The following AGR2 variants were observed in gnomAD, a reference collection of about 807,000 sequenced individuals.
The protein encoded by AGR2 is anterior gradient protein 2 homolog.
In AGR2, 27 loss-of-function variants were observed where a neutral mutation model predicts 25.9. The ratio of observed to expected loss-of-function variants is 1.04; its 90% CI spans 0.77 to 1.44. The LOEUF is 1.44. AGR2 is among the 40% of genes most tolerant of loss of function. The pLI, the probability that AGR2 is intolerant of heterozygous loss-of-function variation, is 0.00. For missense variants in AGR2, 182 were observed against 200.9 expected (o/e 0.91, Z 0.57); for synonymous variants, 78 against 72.0 (o/e 1.08, Z -0.42).
chr7:16,804,249 GACAC>G (rs755674470), intron 1 of AGR2, among the ~76,000 whole-genome samples: 1 of 147,446 alleles, frequency 6.8e-6, no homozygotes, highest in African/African-American at 2.5e-5. Context: ...ATAATTTGGA[GACAC>G]ACACAGACAT....
At chr7:16,799,624 G>A in intron 5 of AGR2, 120 bp downstream of exon 5, 1 of 595,424 alleles carries the variant, frequency 1.7e-6, no homozygotes, top group East Asian at 2.7e-5. Flanking sequence ...TTTATGAGAT[G>A]GGATATTTGG....
chr7:16,796,894 G>C (rs544200046), intron 6 of AGR2, among the ~76,000 whole-genome samples: 108 of 151,874 alleles, frequency 7.1e-4, no homozygotes, highest in Non-Finnish European at 6.6e-4. Flanking sequence ...GGAGCATGTG[G>C]CTCCTTTCAT....
At chr7:16,798,272 T>C (rs1424900085) in intron 5 of AGR2, among the ~76,000 whole-genome samples, 1 of 152,208 alleles carries the variant, frequency 6.6e-6, no homozygotes, top group Non-Finnish European at 1.5e-5. Flanking sequence ...ACTAGGACTT[T>C]CTGAAGTGGA....
chr7:16,798,671 A>T (rs1785089460), intron 5 of AGR2, among the ~76,000 whole-genome samples: 1 of 152,190 alleles, frequency 6.6e-6, no homozygotes, highest in African/African-American at 2.4e-5. Flanking sequence ...AAGCTAGGGA[A>T]AGTGAAAGAG....
intron 4 of AGR2, among the ~76,000 whole-genome samples, chr7:16,800,719 T>C (rs1019236698): frequency 6.6e-6 from 1 of 152,112 alleles, no homozygotes; most frequent in African/African-American, 2.4e-5. Context: ...CAGTGCAAAA[T>C]GAAAGGGTAG....
chr7:16,800,040 T>C lies in AGR2; in HGVS notation c.257-223A>G, dbSNP rs192176053. On this transcript the variant is annotated intron_variant, in intron 4 of 7. Coordinates refer to ENST00000419304, the MANE Select transcript of AGR2 (RefSeq NM_006408.4). Reference sequence around the variant, plus strand: ...CCATTCATTCATCAATTCATTTTTTTCTCCAGCTCATATTTATTGAATGGC... The same window carrying C: ...CCATTCATTCATCAATTCATTTTTTCCTCCAGCTCATATTTATTGAATGGC... 6.6e-5 allele frequency among the ~76,000 whole-genome samples: 10 copies of C among 152,300 alleles called. No homozygotes were observed. In the East Asian group the frequency reaches 1.2e-3, roughly 18 times the overall value.
chr7:16,794,825 C>T (rs756609864), intron 7 of AGR2, 111 bp downstream of exon 7: 34 of 1,567,402 alleles, frequency 2.2e-5, no homozygotes, highest in East Asian at 2.2e-4. Flanking sequence ...GAGTCCGAGG[C>T]GTCCCTAAGC....
intron 7 of AGR2, among the ~76,000 whole-genome samples, chr7:16,794,311 A>C (rs990873040): frequency 6.6e-6 from 1 of 152,180 alleles, no homozygotes; most frequent in Non-Finnish European, 1.5e-5. Context: ...AGCCACTACT[A>C]ATTGATCAGA....
chr7:16,801,925 C>A, intron 1 of AGR2, 122 bp from the exon 2 acceptor site: 1 of 739,312 alleles, frequency 1.4e-6, no homozygotes, highest in Admixed American at 3.0e-5. Flanking sequence ...ACTGGACATA[C>A]GAGATTGGCG....
intron 6 of AGR2, 71 bp from the exon 7 acceptor site, chr7:16,795,090 G>T: frequency 6.5e-7 from 1 of 1,533,976 alleles, no homozygotes. Flanking sequence ...ATTGCCCCGG[G>T]GAGCTGAAGT....
chr7:16,792,767 T>C lies in AGR2; in HGVS notation c.*141A>G. 1.2e-6 allele frequency: 1 copy of C among 808,590 alleles called. No homozygotes were observed. The highest frequency in any genetic ancestry group is 2.3e-4 in the Middle Eastern group (1 of 4,350). The allele number at this position is 808,590 out of a possible 1,614,324, so 50.1% of individuals were successfully genotyped here. ...ACCAAATTTCTAAAACTTGTTTTTCTTAAAAAATAGTTGTTGTAACATTAA... is the reference window on the plus strand; with the variant it reads ...ACCAAATTTCTAAAACTTGTTTTTCCTAAAAAATAGTTGTTGTAACATTAA... On this transcript the variant is annotated 3_prime_UTR_variant, in exon 8 of 8. Coordinates refer to ENST00000419304, the MANE Select transcript of AGR2 (RefSeq NM_006408.4).
At chr7:16,801,915 A>T in intron 1 of AGR2, 112 bp from the exon 2 acceptor site, 1 of 856,150 alleles carries the variant, frequency 1.2e-6, no homozygotes. Context: ...CTCTGCTGAG[A>T]CTGGACATAC....
At chr7:16,799,901 TTTAC>T in intron 4 of AGR2, 84 bp from the exon 5 acceptor site, 1 of 940,174 alleles carries the variant, frequency 1.1e-6, no homozygotes. Context: ...TTGCATTTTA[TTTAC>T]TTATTGAATT....
At chr7:16,796,926 C>T (rs1029363985) in intron 6 of AGR2, among the ~76,000 whole-genome samples, 1 of 128,872 alleles carries the variant, frequency 7.8e-6, no homozygotes, top group Admixed American at 8.5e-5. Context: ...ACCTCATATT[C>T]CTTTTTTTTT....
chr7:16,801,531 A>C, intron 2 of AGR2, 127 bp downstream of exon 2: 1 of 1,373,206 alleles, frequency 7.3e-7, no homozygotes, highest in Non-Finnish European at 1.0e-6. Context: ...ATAAACAGTG[A>C]TAAGTCTAGA....
chr7:16,799,473 G>T, intron 5 of AGR2: 1 of 379,628 alleles, frequency 2.6e-6, no homozygotes, highest in Non-Finnish European at 4.8e-6. Flanking sequence ...GGCACAGCAA[G>T]TAACAAAAAC....
chr7:16,793,018 A>C, intron 7 of AGR2, 61 bp from the exon 8 acceptor site: 2 of 1,473,706 alleles, frequency 1.4e-6, no homozygotes, highest in Non-Finnish European at 9.4e-7. Context: ...GATATAATAA[A>C]CCCCAAACTT....
rs577784274 is a variant in AGR2, at chr7:16,802,107, G to A, written c.-7-304C>T. 4.6e-5 allele frequency among the ~76,000 whole-genome samples: 7 copies of A among 152,006 alleles called. No individual in the cohort carries two copies. In the South Asian group the frequency reaches 1.0e-3, roughly 23 times the overall value. On this transcript the variant is annotated intron_variant, in intron 1 of 7. Transcript: ENST00000419304. ...CTTTCTGCGGTTTCAGCTAACCACG[G>A]TCAACCGCGTCCAAAATAAGTGAGC...
chr7:16,799,688 C>A (rs1785109112), intron 5 of AGR2, 56 bp downstream of exon 5: 2 of 1,264,962 alleles, frequency 1.6e-6, no homozygotes, highest in Non-Finnish European at 2.3e-6. Context: ...AATGAATCAT[C>A]CATTTCAAGT....
Sources: gnomAD v4.1 joint callset for allele counts (sites outside exome capture counted in the v4.1 genomes callset) on GRCh38, gnomAD v4.1.1 for gene constraint, MANE v1.5 for transcripts, NCBI Gene and HGNC (gene_info 2026-07-23, HGNC 2026-07-21) for gene names.